GALNT13: variants seen among roughly 807,000 people sequenced by gnomAD.
GALNT13 encodes UDP-GalNAc:polypeptide N-acetylgalactosaminyltransferase 13.
In GALNT13, 28 loss-of-function variants were observed where a neutral mutation model predicts 64.2. The observed-to-expected ratio is 0.44, with a 90% CI of 0.32 to 0.60. The LOEUF is 0.60. Among genes scored for constraint, GALNT13 ranks in the 20% least tolerant of loss-of-function variants. The pLI is 0.05. For missense variants in GALNT13, 577 were observed against 669.8 expected (o/e 0.86, Z 1.53); for synonymous variants, 214 against 224.6 (o/e 0.95, Z 0.42).
the GALNT13 span, among the ~76,000 whole-genome samples, chr2:153,369,430 AAGAG>A: frequency 3.7e-4 from 40 of 108,600 alleles, no homozygotes; most frequent in African/African-American, 1.5e-3. Flanking sequence ...CTAAAAAAAT[AAGAG>A]AGAACACATG....
intron 3 of GALNT13, among the ~76,000 whole-genome samples, chr2:153,994,788 G>A (rs748708908): frequency 3.9e-5 from 6 of 151,942 alleles, no homozygotes; most frequent in Non-Finnish European, 8.8e-5. Context: ...TTGTAAATTT[G>A]TTTGAGTTCT....
chr2:153,269,871 C>G, the GALNT13 span, among the ~76,000 whole-genome samples: 3 of 152,218 alleles, frequency 2.0e-5, no homozygotes, highest in East Asian at 5.8e-4. Context: ...ACCATCAGAT[C>G]TCTTGAGAAC....
rs530751361 is a variant in GALNT13 at position 154,119,134 on chromosome 2, C to T, written c.143-21203C>T. The stretch of plus-strand genomic sequence containing the variant: ...GGCAGGTCTAGTGATGTTATACTCC[C>T]TTAGCTTTTGTTTGTCTACAAAAGT... On this transcript the variant is annotated intron_variant, in intron 3 of 12. Transcript: ENST00000392825. Among the ~76,000 whole-genome samples the T allele has an allele frequency of 1.4e-3, 206 of 152,246 alleles. 1 individual carries two copies. The highest frequency in any genetic ancestry group is 4.8e-3 in the African/African-American group (198 of 41,572).
Position 154,245,825 on chromosome 2 carries a change from T to C in GALNT13, c.700T>C (p.Cys234Arg). ...RIKEDRKTVV[C>R]PIIDVISDDT... Reference sequence around the variant, plus strand: ...ATTTCTCTGCAGGAAAACGGTTGTCTGCCCTATCATTGATGTGATTAGTGA... The same window carrying C: ...ATTTCTCTGCAGGAAAACGGTTGTCCGCCCTATCATTGATGTGATTAGTGA... Residue 234 changes from cysteine to arginine, a missense_variant, in exon 7 of 13, where the codon TGC becomes CGC. This residue lies in a region of GALNT13 where 341 missense variants were observed against 379.3 expected (regional missense o/e 0.90). Transcript: ENST00000392825. The C allele has an allele frequency of 6.3e-7, 1 of 1,596,196 alleles. No homozygotes were observed. Among genetic ancestry groups the C allele is most frequent in the Non-Finnish European group, 8.6e-7 (1 of 1,168,194 alleles).
At chr2:153,976,639 A>G (rs1335535972) in intron 3 of GALNT13, among the ~76,000 whole-genome samples, 1 of 152,148 alleles carries the variant, frequency 6.6e-6, no homozygotes, top group African/African-American at 2.4e-5. Context: ...TTGAGGTAAT[A>G]GCTCATTTTG....
At chr2:154,210,433 T>G (rs1687697947) in intron 4 of GALNT13, among the ~76,000 whole-genome samples, 2 of 152,188 alleles carry the variant, frequency 1.3e-5, no homozygotes, top group Non-Finnish European at 2.9e-5. Context: ...ATGGCTGTAC[T>G]AATGTACATT....
At chr2:153,515,092 T>G in the GALNT13 span, among the ~76,000 whole-genome samples, 1 of 152,214 alleles carries the variant, frequency 6.6e-6, no homozygotes, top group East Asian at 1.9e-4. Flanking sequence ...CATCTCCAGG[T>G]TTGGATGTTG....
At chr2:153,938,299 G>A (rs1230388988) in intron 2 of GALNT13, among the ~76,000 whole-genome samples, 2 of 152,108 alleles carry the variant, frequency 1.3e-5, no homozygotes, top group Non-Finnish European at 2.9e-5. Flanking sequence ...TCTTCTGATT[G>A]TTTATATGTT....
At chr2:153,291,525 G>A in the GALNT13 span, among the ~76,000 whole-genome samples, 1 of 152,034 alleles carries the variant, frequency 6.6e-6, no homozygotes, top group East Asian at 1.9e-4. Flanking sequence ...GCTCTGGTCA[G>A]TGCTAGAGCT....
intron 2 of GALNT13, among the ~76,000 whole-genome samples, chr2:153,928,181 A>G (rs1232778375): frequency 6.6e-6 from 1 of 152,084 alleles, no homozygotes; most frequent in Non-Finnish European, 1.5e-5. Flanking sequence ...ATTATTCCTC[A>G]TTATTTTTCT....
intron 9 of GALNT13, among the ~76,000 whole-genome samples, chr2:154,380,489 T>A (rs899266437): frequency 1.3e-5 from 2 of 152,070 alleles, no homozygotes; most frequent in African/African-American, 4.8e-5. Context: ...AATGTATATA[T>A]TAAGAAATTA....
chr2:153,498,049 C>T, the GALNT13 span, among the ~76,000 whole-genome samples: 1 of 152,102 alleles, frequency 6.6e-6, no homozygotes, highest in African/African-American at 2.4e-5. Flanking sequence ...GGGAAATGTG[C>T]CTGGAGATTA....
the GALNT13 span, among the ~76,000 whole-genome samples, chr2:153,197,918 G>T: frequency 6.6e-6 from 1 of 152,178 alleles, no homozygotes; most frequent in African/African-American, 2.4e-5. Context: ...AGGCAGGGGG[G>T]TTTCAGGCTC....
At chr2:153,729,663 G>A in the GALNT13 span, among the ~76,000 whole-genome samples, 8 of 152,082 alleles carry the variant, frequency 5.3e-5, no homozygotes, top group South Asian at 1.0e-3. Flanking sequence ...AGGAGAAAAT[G>A]TAAAAGTCAT....
the GALNT13 span, among the ~76,000 whole-genome samples, chr2:153,518,815 A>T: frequency 2.0e-5 from 3 of 152,118 alleles, no homozygotes; most frequent in Non-Finnish European, 4.4e-5. Context: ...TATCAGTCCC[A>T]GAGATGGAAA....
intron 3 of GALNT13, among the ~76,000 whole-genome samples, chr2:153,955,698 G>T (rs1365194135): frequency 6.6e-6 from 1 of 152,132 alleles, no homozygotes; most frequent in Non-Finnish European, 1.5e-5. Flanking sequence ...TCTCAGTTTT[G>T]CCCAGGAAAG....
intron 4 of GALNT13, among the ~76,000 whole-genome samples, chr2:154,184,951 A>G (rs1686172164): frequency 6.6e-6 from 1 of 152,070 alleles, no homozygotes; most frequent in African/African-American, 2.4e-5. Flanking sequence ...TTTGCCAGTG[A>G]GTTTTATGCC....
chr2:153,529,337 A>G, the GALNT13 span, among the ~76,000 whole-genome samples: 1 of 152,088 alleles, frequency 6.6e-6, no homozygotes, highest in African/African-American at 2.4e-5. Flanking sequence ...TCCTACACAG[A>G]TATGACCTGC....
the GALNT13 span, among the ~76,000 whole-genome samples, chr2:153,193,652 T>TTA: frequency 1.3e-4 from 20 of 148,872 alleles, no homozygotes; most frequent in African/African-American, 4.0e-4. Flanking sequence ...TTCATTTTAA[T>TTA]AAAAAAAAAA....
Sources: gnomAD v4.1 joint callset for allele counts (sites outside exome capture counted in the v4.1 genomes callset) on GRCh38, gnomAD v4.1.1 for gene constraint, gnomAD v4.1.1 regional missense constraint, MANE v1.5 for transcripts, NCBI Gene and HGNC (gene_info 2026-07-23, HGNC 2026-07-21) for gene names.